The following CACNA1C variants were observed in gnomAD, a reference collection of about 807,000 sequenced individuals.
CACNA1C encodes calcium voltage-gated channel subunit alpha1 C, also known as voltage-dependent L-type calcium channel subunit alpha-1C.
In CACNA1C, 30 loss-of-function variants were observed where a neutral mutation model predicts 229.0. That is an observed-to-expected ratio of 0.13 (90% CI 0.10 to 0.18). The LOEUF (loss-of-function observed/expected upper bound fraction) is 0.18. CACNA1C is among the 10% of genes least tolerant of loss of function. CACNA1C has a pLI of 1.00. For missense variants in CACNA1C, 1,658 were observed against 2,845.0 expected, an observed-to-expected ratio of 0.58 and a Z score of 9.49; for synonymous variants, 1,114 against 1,132.5, an observed-to-expected ratio of 0.98 and a Z score of 0.33.
intron 9 of CACNA1C, among the ~76,000 whole-genome samples, chr12:2,522,863 A>C (rs1568206612): frequency 6.6e-6 from 1 of 152,160 alleles, no homozygotes; most frequent in African/African-American, 2.4e-5. Context: ...CCCATTTTGC[A>C]GATGGGAAAA....
intron 1 of CACNA1C, among the ~76,000 whole-genome samples, chr12:2,002,063 C>A (rs941320228): frequency 2.0e-5 from 3 of 152,212 alleles, no homozygotes; most frequent in Non-Finnish European, 4.4e-5. Flanking sequence ...AATTCCTATT[C>A]CAGTCATCAC....
chr12:2,265,224 T>C (rs765533161), intron 3 of CACNA1C, among the ~76,000 whole-genome samples: 9 of 152,176 alleles, frequency 5.9e-5, no homozygotes, highest in Non-Finnish European at 1.2e-4. Context: ...GAACAGTTAG[T>C]TACCGCAAAT....
rs1017092608 is a variant in CACNA1C at position 2,410,574 on chromosome 12, G to A, written c.478-38402G>A. On this transcript the variant is annotated intron_variant, in intron 3 of 46. Transcript: ENST00000399655. This position sits in a 1 kb window ranked among gnomAD's most constrained non-coding sequence, Gnocchi z 5.3. Reference sequence around the variant, plus strand: ...AAGCATCTGGACCCTGTGCATGTGCGTGTGCATGCGTGTGTGTGTTCCAGG... The same window carrying A: ...AAGCATCTGGACCCTGTGCATGTGCATGTGCATGCGTGTGTGTGTTCCAGG... Among the ~76,000 whole-genome samples, 6 of 152,198 alleles carry A rather than the reference G, an allele frequency of 3.9e-5. No individual in the cohort carries two copies. Among genetic ancestry groups the A allele is most frequent in the Middle Eastern group, 3.4e-3 (1 of 294 alleles).
intron 3 of CACNA1C, among the ~76,000 whole-genome samples, chr12:2,120,689 TG>T (rs1319691560): frequency 3.4e-4 from 52 of 151,422 alleles, no homozygotes; most frequent in African/African-American, 1.2e-3. Context: ...TGTGTGTGTG[TG>T]TGTGTGTTTA....
At chr12:2,140,414 C>A (rs2094039802) in intron 3 of CACNA1C, among the ~76,000 whole-genome samples, 1 of 151,308 alleles carries the variant, frequency 6.6e-6, no homozygotes, top group Admixed American at 6.6e-5. Context: ...GAATAAATAA[C>A]TGAATGAATA....
chr12:2,078,573 G>A (rs190264602), intron 1 of CACNA1C, among the ~76,000 whole-genome samples: 2 of 152,198 alleles, frequency 1.3e-5, no homozygotes, highest in African/African-American at 4.8e-5. Context: ...AGGGCTGAAC[G>A]AGGGGTGCAG....
intron 1 of CACNA1C, among the ~76,000 whole-genome samples, chr12:2,077,428 T>C (rs1178532113): frequency 2.0e-5 from 3 of 149,814 alleles, no homozygotes; most frequent in Non-Finnish European, 4.5e-5. Flanking sequence ...AGTAGTAGTA[T>C]TGGCTAGACT....
Position 2,215,179 on chromosome 12 carries a change from C to G in CACNA1C, c.477+94749C>G, listed in dbSNP as rs1457301717. Among the ~76,000 whole-genome samples, 1 of 152,226 alleles carries G rather than the reference C, an allele frequency of 6.6e-6. No individual in the cohort carries two copies. The highest frequency in any genetic ancestry group is 1.5e-5 in the Non-Finnish European group (1 of 68,050). ...GGTCACTGAGACATCAGAGACATGT[C>G]AATCTGAGTCCCTTTGCTTGGATTT... On this transcript the variant is annotated intron_variant, in intron 3 of 46. Transcript: ENST00000399655. This position sits in a 1 kb window ranked among gnomAD's most constrained non-coding sequence, Gnocchi z 5.0.
chr12:2,665,606 T>C lies in CACNA1C; in HGVS notation c.4424T>C (p.Ile1475Thr). 6.2e-7 allele frequency: 1 copy of C among 1,613,816 alleles called. No individual in the cohort carries two copies. Residue 1475 changes from isoleucine (I) to threonine (T), a missense_variant, in exon 36 of 47, where the codon ATC becomes ACC. This residue lies in a region of CACNA1C where 151 missense variants were observed against 344.4 expected (regional missense o/e 0.44). Coordinates refer to ENST00000399655, the MANE Select transcript of CACNA1C (RefSeq NM_000719.7). This position sits in a 1 kb window ranked among gnomAD's most constrained non-coding sequence, Gnocchi z 5.9. Reference sequence around the variant, plus strand: ...ATCATCAACCTCTTTGTAGCTGTCATCATGGACAACTTTGACTACCTGACA... The same window carrying C: ...ATCATCAACCTCTTTGTAGCTGTCACCATGGACAACTTTGACTACCTGACA... Reference protein sequence around the residue: ...FLIINLFVAVIMDNFDYLTRD... With the variant: ...FLIINLFVAVTMDNFDYLTRD...
At position 2,621,549 on chromosome 12, in the gene CACNA1C, A is replaced by G. The variant is rs572701562; in HGVS notation, c.3828+9536A>G. 1.2e-4 allele frequency among the ~76,000 whole-genome samples: 19 copies of G among 152,234 alleles called. No homozygotes were observed. In the South Asian group the frequency reaches 3.1e-3, roughly 25 times the overall value. Reference sequence around the variant, plus strand: ...GCCATTCAGTGGGGAGGATTATATAATCTGATTTTCATTTTTTAACCAGCA... The same window carrying G: ...GCCATTCAGTGGGGAGGATTATATAGTCTGATTTTCATTTTTTAACCAGCA... On this transcript the variant is annotated intron_variant, in intron 29 of 46. Transcript: ENST00000399655.
intron 3 of CACNA1C, among the ~76,000 whole-genome samples, chr12:2,189,146 C>T (rs2097138287): frequency 7.3e-6 from 1 of 136,514 alleles, no homozygotes; most frequent in African/African-American, 2.7e-5. Context: ...AAGCATCAAA[C>T]AGCTCAGCTT....
At chr12:2,099,255 A>G (rs1482298028) in intron 1 of CACNA1C, among the ~76,000 whole-genome samples, 1 of 152,256 alleles carries the variant, frequency 6.6e-6, no homozygotes, top group Non-Finnish European at 1.5e-5. Context: ...TAATTTTCAA[A>G]CCAACCGTCT....
intron 3 of CACNA1C, among the ~76,000 whole-genome samples, chr12:2,306,055 G>A (rs1028955623): frequency 1.3e-5 from 2 of 152,218 alleles, no homozygotes; most frequent in African/African-American, 4.8e-5. Flanking sequence ...TGCAGCTGAG[G>A]GTAGTGGAGC....
At chr12:2,086,851 T>C (rs2067889972) in intron 1 of CACNA1C, among the ~76,000 whole-genome samples, 1 of 152,208 alleles carries the variant, frequency 6.6e-6, no homozygotes, top group Admixed American at 6.5e-5. Flanking sequence ...AACTTAGTCA[T>C]ATGGTCATGT....
At chr12:2,183,671 G>A (rs1266798187) in intron 3 of CACNA1C, among the ~76,000 whole-genome samples, 3 of 152,252 alleles carry the variant, frequency 2.0e-5, no homozygotes, top group Non-Finnish European at 4.4e-5. Flanking sequence ...AGTGGGGCTG[G>A]AGAATGAGGG....
At position 2,691,428 on chromosome 12, in the gene CACNA1C, C is replaced by A; in HGVS notation, c.*229C>A. The A allele has an allele frequency of 2.4e-6, 1 of 418,510 alleles. No homozygotes were observed. Among genetic ancestry groups the A allele is most frequent in the Non-Finnish European group, 4.1e-6 (1 of 246,496 alleles). The allele number at this position is 418,510 out of a possible 1,614,324, so 25.9% of individuals were successfully genotyped here. A position where few individuals can be genotyped will look rare whatever the true frequency, so the allele number is the denominator to read the frequency against. Reference sequence around the variant, plus strand: ...AGGAGGCGGCGAGGGTCCCGGGGCGCGAGGAAGGCGCCTGCCCTCTCCCAG... The same window carrying A: ...AGGAGGCGGCGAGGGTCCCGGGGCGAGAGGAAGGCGCCTGCCCTCTCCCAG... On this transcript the variant is annotated 3_prime_UTR_variant, in exon 47 of 47. Coordinates refer to ENST00000399655, the MANE Select transcript of CACNA1C (RefSeq NM_000719.7).
intron 1 of CACNA1C, among the ~76,000 whole-genome samples, chr12:2,021,136 G>A (rs1194263912): frequency 6.6e-6 from 1 of 152,082 alleles, no homozygotes; most frequent in Non-Finnish European, 1.5e-5. Context: ...CTGCCTTTTT[G>A]CTAGGTAATA....
intron 10 of CACNA1C, among the ~76,000 whole-genome samples, chr12:2,551,626 T>A (rs1190686242): frequency 6.6e-6 from 1 of 151,990 alleles, no homozygotes; most frequent in Non-Finnish European, 1.5e-5. Flanking sequence ...CGTGTGATGG[T>A]CTGAGGGGAA....
intron 1 of CACNA1C, among the ~76,000 whole-genome samples, chr12:2,068,550 A>G (rs1013325264): frequency 2.0e-5 from 3 of 152,206 alleles, no homozygotes; most frequent in Non-Finnish European, 4.4e-5. Flanking sequence ...CATAGATGCC[A>G]ATTTTCGTGA....
Sources: gnomAD v4.1 joint callset for allele counts (sites outside exome capture counted in the v4.1 genomes callset) on GRCh38, gnomAD v4.1.1 for gene constraint, gnomAD v4.1.1 regional missense constraint, Gnocchi (gnomAD v3.1) non-coding constraint, MANE v1.5 for transcripts, NCBI Gene and HGNC (gene_info 2026-07-23, HGNC 2026-07-21) for gene names.